The following GMDS variants were observed in gnomAD, a reference collection of about 807,000 sequenced individuals.
GMDS encodes GDP-mannose 4,6-dehydratase.
GMDS carries 20 observed loss-of-function variants against 49.9 expected under a neutral mutation model. The ratio of observed to expected loss-of-function variants is 0.40; its 90% CI spans 0.28 to 0.58. The LOEUF is 0.58. Among genes scored for constraint, GMDS ranks in the 20% least tolerant of loss-of-function variants. GMDS has a pLI of 0.42. For missense variants in GMDS, 362 were observed against 481.4 expected, an observed-to-expected ratio of 0.75 and a Z score of 2.32; for synonymous variants, 177 against 178.6, an observed-to-expected ratio of 0.99 and a Z score of 0.07.
chr6:2,110,133 T>C (rs1581663389), intron 4 of GMDS, among the ~76,000 whole-genome samples: 1 of 152,262 alleles, frequency 6.6e-6, no homozygotes, highest in South Asian at 2.1e-4. Flanking sequence ...TGTTCTATAA[T>C]TGGGTTAGCC....
At chr6:2,125,360 C>T (rs1172623737) in intron 1 of GMDS, among the ~76,000 whole-genome samples, 1 of 152,138 alleles carries the variant, frequency 6.6e-6, no homozygotes, top group African/African-American at 2.4e-5. Context: ...AACTCCTGGA[C>T]ACAAGTGATC....
At chr6:1,734,583 A>G (rs1184750708) in intron 8 of GMDS, among the ~76,000 whole-genome samples, 1 of 152,224 alleles carries the variant, frequency 6.6e-6, no homozygotes, top group African/African-American at 2.4e-5. Context: ...ACGTGGTCTG[A>G]GCCAGAAAGG....
intron 7 of GMDS, among the ~76,000 whole-genome samples, chr6:1,832,567 T>G (rs1396839402): frequency 6.6e-6 from 1 of 152,048 alleles, no homozygotes. Flanking sequence ...ACACAAGCAG[T>G]AACTTGGCTG....
intron 4 of GMDS, among the ~76,000 whole-genome samples, chr6:2,079,285 T>C (rs547647399): frequency 4.6e-5 from 7 of 152,116 alleles, no homozygotes; most frequent in Admixed American, 2.6e-4. Flanking sequence ...AGATTATTAT[T>C]AACATGTGAG....
chr6:2,113,668 C>G (rs1466642988), intron 4 of GMDS, among the ~76,000 whole-genome samples: 1 of 152,070 alleles, frequency 6.6e-6, no homozygotes, highest in African/African-American at 2.4e-5. Context: ...CCATCTACCC[C>G]CAGACGGAAG....
At chr6:2,055,304 CT>C (rs1311144002) in intron 4 of GMDS, among the ~76,000 whole-genome samples, 2 of 151,694 alleles carry the variant, frequency 1.3e-5, no homozygotes, top group Non-Finnish European at 2.9e-5. Context: ...ATATATTTCC[CT>C]AAAAGGATAT....
intron 4 of GMDS, among the ~76,000 whole-genome samples, chr6:2,001,747 C>G (rs1348229342): frequency 6.6e-6 from 1 of 152,112 alleles, no homozygotes; most frequent in African/African-American, 2.4e-5. Context: ...TGTCTAGGAT[C>G]GACTGATTTC....
rs1397408974 is a variant in GMDS at position 1,675,910 on chromosome 6, A to T, written c.987+50506T>A. 2.0e-5 allele frequency among the ~76,000 whole-genome samples: 3 copies of T among 152,028 alleles called. No homozygotes were observed. The East Asian group carries it at 5.8e-4, about 29-fold the overall frequency. Reference sequence around the variant, plus strand: ...CACCGATTCCACAGAAATACAAACTACCATCAGAGAATACTATAAACACCT... The same window carrying T: ...CACCGATTCCACAGAAATACAAACTTCCATCAGAGAATACTATAAACACCT... On this transcript the variant is annotated intron_variant, in intron 9 of 10. Transcript: ENST00000380815.
chr6:1,961,482 G>A (rs1012571938), intron 4 of GMDS, among the ~76,000 whole-genome samples: 3 of 152,108 alleles, frequency 2.0e-5, no homozygotes, highest in Admixed American at 6.6e-5. Flanking sequence ...TTACACGAAT[G>A]CATAATCTTT....
chr6:1,820,798 A>G (rs1770857095), intron 7 of GMDS, among the ~76,000 whole-genome samples: 1 of 152,228 alleles, frequency 6.6e-6, no homozygotes, highest in Admixed American at 6.5e-5. Flanking sequence ...GCTGCTTTTT[A>G]AACAATGATG....
intron 1 of GMDS, among the ~76,000 whole-genome samples, chr6:2,237,709 A>G (rs1303025496): frequency 6.6e-6 from 1 of 151,704 alleles, no homozygotes; most frequent in African/African-American, 2.4e-5. Context: ...TTTAGTAGAG[A>G]TGGGGTTTCT....
chr6:1,818,370 G>A (rs577139292), intron 7 of GMDS, among the ~76,000 whole-genome samples: 227 of 152,278 alleles, frequency 1.5e-3, no homozygotes, highest in Non-Finnish European at 2.7e-3. Context: ...CACTTTGGGA[G>A]GCCGAGGCGG....
intron 4 of GMDS, among the ~76,000 whole-genome samples, chr6:2,063,265 T>C (rs1180759680): frequency 6.6e-6 from 1 of 152,256 alleles, no homozygotes; most frequent in Non-Finnish European, 1.5e-5. Context: ...CCTGTTGTAA[T>C]AGTATACTCT....
chr6:1,965,675 T>TA (rs1038172837), intron 4 of GMDS, among the ~76,000 whole-genome samples: 3 of 151,350 alleles, frequency 2.0e-5, no homozygotes, highest in African/African-American at 7.3e-5. Flanking sequence ...AAATTAAAAG[T>TA]AAAAAAAATT....
chr6:2,009,775 A>C (rs1299809580), intron 4 of GMDS, among the ~76,000 whole-genome samples: 1 of 152,220 alleles, frequency 6.6e-6, no homozygotes, highest in Non-Finnish European at 1.5e-5. Flanking sequence ...TCAATGACAA[A>C]TAGGATCTTC....
chr6:1,841,448 C>G (rs1217627891), intron 7 of GMDS, among the ~76,000 whole-genome samples: 2 of 152,200 alleles, frequency 1.3e-5, no homozygotes, highest in South Asian at 2.1e-4. Context: ...AACTCACAAG[C>G]TGATAACCAA....
chr6:2,075,141 C>T (rs79409187), intron 4 of GMDS, among the ~76,000 whole-genome samples: 4,454 of 152,138 alleles, frequency 0.029, 134 homozygotes, highest in South Asian at 0.12. Context: ...TCCATAACAA[C>T]ATTAGAATTA....
intron 4 of GMDS, among the ~76,000 whole-genome samples, chr6:1,989,847 G>A (rs1055123765): frequency 6.6e-6 from 1 of 152,260 alleles, no homozygotes; most frequent in African/African-American, 2.4e-5. Context: ...ATACGCCCTT[G>A]GGGCCAGGCC....
intron 4 of GMDS, among the ~76,000 whole-genome samples, chr6:2,038,150 C>T (rs892007438): frequency 1.3e-5 from 2 of 152,118 alleles, no homozygotes; most frequent in African/African-American, 4.8e-5. Context: ...CATTGAAGAT[C>T]GCCCCCCTTT....
Sources: allele counts gnomAD v4.1 joint callset (sites outside exome capture counted in the v4.1 genomes callset), GRCh38; gene constraint gnomAD v4.1.1; transcripts MANE v1.5; gene names NCBI Gene and HGNC (gene_info 2026-07-23, HGNC 2026-07-21).